The following GUCY1A2 variants were observed in gnomAD, a reference collection of about 807,000 sequenced individuals.
The protein encoded by GUCY1A2 is guanylate cyclase 1 soluble subunit alpha 2.
A neutral mutation model predicts 63.5 loss-of-function variants in GUCY1A2; 27 were observed. That is an observed-to-expected ratio of 0.43 (90% CI 0.31 to 0.59). The LOEUF is 0.59. Among genes scored for constraint, GUCY1A2 ranks in the 20% least tolerant of loss-of-function variants. GUCY1A2 has a pLI of 0.11. For synonymous variants in GUCY1A2, 364 were observed against 343.5 expected (o/e 1.06, Z -0.66); for missense variants, 768 against 913.3 (o/e 0.84, Z 2.05).
At chr11:106,915,387 C>T (rs137964681) in intron 4 of GUCY1A2, among the ~76,000 whole-genome samples, 92 of 152,058 alleles carry the variant, frequency 6.1e-4, no homozygotes, top group Non-Finnish European at 1.2e-3. Context: ...TCTGTACTAC[C>T]GACGAGGCAA....
At chr11:106,762,640 A>C (rs1864085733) in intron 6 of GUCY1A2, among the ~76,000 whole-genome samples, 1 of 152,130 alleles carries the variant, frequency 6.6e-6, no homozygotes, top group South Asian at 2.1e-4. Flanking sequence ...TGTATACTAC[A>C]TATAAATTGA....
chr11:106,883,691 C>T (rs1052981372), intron 4 of GUCY1A2, among the ~76,000 whole-genome samples: 1 of 152,100 alleles, frequency 6.6e-6, no homozygotes, highest in Non-Finnish European at 1.5e-5. Flanking sequence ...AGAAAATTTA[C>T]TCTCAAAGAT....
At chr11:106,826,755 T>C (rs1016532929) in intron 4 of GUCY1A2, 3 of 1,610,918 alleles carry the variant, frequency 1.9e-6, no homozygotes, top group African/African-American at 2.7e-5. Flanking sequence ...ATCCCATCTG[T>C]CTAGCCTGGG....
chr11:106,758,250 CAA>C (rs2135389889), intron 6 of GUCY1A2, among the ~76,000 whole-genome samples: 1 of 152,348 alleles, frequency 6.6e-6, no homozygotes, highest in East Asian at 1.9e-4. Context: ...GTGAGAATTT[CAA>C]GTCCATGGAT....
intron 6 of GUCY1A2, among the ~76,000 whole-genome samples, chr11:106,739,069 G>C (rs966793355): frequency 1.3e-5 from 2 of 151,990 alleles, no homozygotes; most frequent in African/African-American, 2.4e-5. Flanking sequence ...TTATTTCCTT[G>C]AACGGTGATT....
chr11:106,676,860 TAGG>T lies in GUCY1A2; in HGVS notation c.*10686_*10688del, dbSNP rs909759334. On this transcript the variant is annotated 3_prime_UTR_variant, in exon 8 of 8. Coordinates refer to ENST00000526355, the MANE Select transcript of GUCY1A2 (RefSeq NM_000855.3). Reference sequence around the variant, plus strand: ...TAAGACATTTGTAAGGGGGTAAAAATAGGAGATTGTCCAAACAGATTGACCCTG... The same window carrying T: ...TAAGACATTTGTAAGGGGGTAAAAATAGATTGTCCAAACAGATTGACCCTG... 3 of 201,438 alleles carry T rather than the reference TAGG, an allele frequency of 1.5e-5. No homozygotes were observed. The highest frequency in any genetic ancestry group is 6.9e-5 in the African/African-American group (3 of 43,416). 12.5% of individuals were successfully genotyped at this position (201,438 alleles called of 1,614,324 possible). A position where few individuals can be genotyped will look rare whatever the true frequency, so the allele number is the denominator to read the frequency against.
chr11:106,733,375 C>A lies in GUCY1A2; in HGVS notation c.1837-24709G>T, dbSNP rs185071698. Among the ~76,000 whole-genome samples, 229 of 152,206 alleles carry A rather than the reference C, an allele frequency of 1.5e-3. 2 individuals carry two copies. Among genetic ancestry groups the A allele is most frequent in the African/African-American group, 5.1e-3 (211 of 41,530 alleles). On this transcript the variant is annotated intron_variant, in intron 6 of 7. Transcript: ENST00000526355. ...TGCTAACAATGTTTAATGAATATTA[C>A]TGCCAATAATATGTTGGTACCAGAC...
intron 4 of GUCY1A2, among the ~76,000 whole-genome samples, chr11:106,904,899 T>C (rs1018274239): frequency 6.6e-5 from 10 of 152,026 alleles, no homozygotes; most frequent in Non-Finnish European, 1.5e-5. Flanking sequence ...ACTCTTGAAA[T>C]GACTCCTGCT....
chr11:106,869,354 G>A (rs528075606), intron 4 of GUCY1A2, among the ~76,000 whole-genome samples: 8 of 152,136 alleles, frequency 5.3e-5, no homozygotes, highest in South Asian at 2.1e-4. Flanking sequence ...TTTGCAATCT[G>A]CTCATCTGAC....
rs1030715646 is a variant in GUCY1A2, at chr11:107,018,151, G to A, written c.-96C>T. 32 of 669,510 alleles carry A rather than the reference G, an allele frequency of 4.8e-5. No homozygotes were observed. In the South Asian group the frequency reaches 1.3e-3, roughly 28 times the overall value. 41.5% of individuals were successfully genotyped at this position (669,510 alleles called of 1,614,324 possible). A position where few individuals can be genotyped will look rare whatever the true frequency, so the allele number is the denominator to read the frequency against. ...CGGGACCGGCAAGCGACAACGTTAAGCGCGTCGGGGCCGCGGGGCGCTGCG... is the reference window on the plus strand; with the variant it reads ...CGGGACCGGCAAGCGACAACGTTAAACGCGTCGGGGCCGCGGGGCGCTGCG... On this transcript the variant is annotated 5_prime_UTR_variant, in exon 1 of 8. Transcript: ENST00000526355.
chr11:106,778,183 A>G (rs1864393313), intron 5 of GUCY1A2, among the ~76,000 whole-genome samples: 1 of 152,218 alleles, frequency 6.6e-6, no homozygotes, highest in Non-Finnish European at 1.5e-5. Flanking sequence ...TAGTTTTAAT[A>G]TTATTAATTA....
chr11:106,897,628 G>A (rs906954443), intron 4 of GUCY1A2, among the ~76,000 whole-genome samples: 3 of 151,556 alleles, frequency 2.0e-5, no homozygotes, highest in Admixed American at 2.0e-4. Flanking sequence ...TTCAACAAAT[G>A]GTGCTAGAAC....
At chr11:106,874,187 A>G (rs1197308914) in intron 4 of GUCY1A2, among the ~76,000 whole-genome samples, 1 of 152,170 alleles carries the variant, frequency 6.6e-6, no homozygotes, top group East Asian at 1.9e-4. Context: ...TTTGCTGAAT[A>G]CATATTATAT....
chr11:106,965,414 C>T (rs1282274664), intron 3 of GUCY1A2, among the ~76,000 whole-genome samples: 1 of 151,944 alleles, frequency 6.6e-6, no homozygotes, highest in Non-Finnish European at 1.5e-5. Flanking sequence ...CATATGTATA[C>T]ATGTATGTGT....
chr11:106,838,033 G>C (rs986095649), intron 4 of GUCY1A2, among the ~76,000 whole-genome samples: 23 of 151,908 alleles, frequency 1.5e-4, no homozygotes, highest in African/African-American at 5.6e-4. Flanking sequence ...CTGGAAAAAT[G>C]TGCTTTTCTC....
intron 3 of GUCY1A2, among the ~76,000 whole-genome samples, chr11:106,961,936 A>T (rs1009957109): frequency 2.0e-5 from 3 of 152,168 alleles, no homozygotes; most frequent in African/African-American, 7.2e-5. Context: ...TGGACTATAG[A>T]CTTCAATTCT....
intron 1 of GUCY1A2, among the ~76,000 whole-genome samples, chr11:106,987,745 T>C (rs944673268): frequency 1.3e-5 from 2 of 151,890 alleles, no homozygotes; most frequent in African/African-American, 2.4e-5. Context: ...CCAAGACAGA[T>C]GTAACACTCT....
At position 106,679,940 on chromosome 11, in the gene GUCY1A2, T is replaced by C. The variant is rs998189253; in HGVS notation, c.*7609A>G. ...CACTACCTCCTAGGAAAACTAAAAA[T>C]GGCTTGTGAAGGGTTTCTCTTTTTT... On this transcript the variant is annotated 3_prime_UTR_variant, in exon 8 of 8. Coordinates refer to ENST00000526355, the MANE Select transcript of GUCY1A2 (RefSeq NM_000855.3). 4.6e-6 allele frequency: 1 copy of C among 218,832 alleles called. No homozygotes were observed. Among genetic ancestry groups the C allele is most frequent in the Non-Finnish European group, 9.2e-6 (1 of 109,088 alleles). The allele number at this position is 218,832 out of a possible 1,614,324, so 13.6% of individuals were successfully genotyped here.
chr11:106,814,056 G>A (rs1404101959), intron 4 of GUCY1A2, among the ~76,000 whole-genome samples: 1 of 152,010 alleles, frequency 6.6e-6, no homozygotes, highest in Non-Finnish European at 1.5e-5. Context: ...GAAGCCTGAA[G>A]GTGAAGGAGA....
Sources: gnomAD v4.1 joint callset for allele counts (sites outside exome capture counted in the v4.1 genomes callset) on GRCh38, gnomAD v4.1.1 for gene constraint, MANE v1.5 for transcripts, NCBI Gene and HGNC (gene_info 2026-07-23, HGNC 2026-07-21) for gene names.